The following FNDC3B variants were observed in gnomAD, a reference collection of about 807,000 sequenced individuals.
FNDC3B encodes fibronectin type III domain containing 3B, also known as fibronectin type III domain-containing protein 3B.
A neutral mutation model predicts 151.5 loss-of-function variants in FNDC3B; 12 were observed. The observed-to-expected ratio is 0.08, with a 90% confidence interval of 0.05 to 0.13. The LOEUF is 0.13. Ranked by LOEUF, FNDC3B falls within the 10% of genes least tolerant of loss-of-function variation. FNDC3B has a pLI of 1.00. For missense variants in FNDC3B, 1,214 were observed against 1,505.3 expected (o/e 0.81, Z 3.20); for synonymous variants, 528 against 549.0 (o/e 0.96, Z 0.54).
At chr3:172,346,545 A>ATT (rs55676402) in intron 20 of FNDC3B, 105 bp downstream of exon 20, 21,937 of 440,184 alleles carry the variant, frequency 0.05, 110 homozygotes, top group African/African-American at 0.068. Flanking sequence ...CATATAGATG[A>ATT]TTTTTTTTTT....
chr3:172,258,450 T>C (rs528058550), intron 6 of FNDC3B, among the ~76,000 whole-genome samples: 6 of 152,316 alleles, frequency 3.9e-5, no homozygotes, highest in South Asian at 4.1e-4. Context: ...TTTGTGATCA[T>C]TGCTCAGAAA....
intron 24 of FNDC3B, among the ~76,000 whole-genome samples, chr3:172,379,384 C>G (rs1735316679): frequency 6.6e-6 from 1 of 152,258 alleles, no homozygotes; most frequent in Non-Finnish European, 1.5e-5. Flanking sequence ...GTTTGACTCT[C>G]TACTCCCACA....
intron 23 of FNDC3B, among the ~76,000 whole-genome samples, chr3:172,367,901 C>G (rs1350293889): frequency 1.3e-5 from 2 of 152,190 alleles, no homozygotes; most frequent in African/African-American, 4.8e-5. Flanking sequence ...CACTTGCTCT[C>G]CATTAACTCA....
intron 1 of FNDC3B, among the ~76,000 whole-genome samples, chr3:172,066,638 G>C (rs1440197374): frequency 2.0e-5 from 3 of 152,194 alleles, no homozygotes; most frequent in African/African-American, 7.2e-5. Flanking sequence ...TCTACGTGCT[G>C]CTGTTCCCAG....
intron 7 of FNDC3B, among the ~76,000 whole-genome samples, chr3:172,295,128 G>A (rs1360827632): frequency 6.6e-6 from 1 of 152,164 alleles, no homozygotes; most frequent in Non-Finnish European, 1.5e-5. Flanking sequence ...CTTTATGGAG[G>A]ACAGAATGCA....
intron 3 of FNDC3B, among the ~76,000 whole-genome samples, chr3:172,168,274 A>G (rs1379963196): frequency 6.6e-6 from 1 of 152,238 alleles, no homozygotes; most frequent in Non-Finnish European, 1.5e-5. Flanking sequence ...GTGGTCACAT[A>G]CAGCAGTCTG....
intron 3 of FNDC3B, among the ~76,000 whole-genome samples, chr3:172,163,564 T>A (rs1722880282): frequency 6.6e-6 from 1 of 152,172 alleles, no homozygotes; most frequent in Non-Finnish European, 1.5e-5. Context: ...AAGTTGCCTG[T>A]TTTTGAACTT....
intron 22 of FNDC3B, among the ~76,000 whole-genome samples, chr3:172,361,129 G>C (rs1025664777): frequency 6.6e-6 from 1 of 152,030 alleles, no homozygotes; most frequent in Non-Finnish European, 1.5e-5. Context: ...TCCAAGGTTT[G>C]TGAAATGCCC....
chr3:172,196,574 T>G (rs2108681602), intron 3 of FNDC3B, among the ~76,000 whole-genome samples: 1 of 152,300 alleles, frequency 6.6e-6, no homozygotes, highest in South Asian at 2.1e-4. Context: ...GGGACATCAG[T>G]TTTCTCATCT....
intron 25 of FNDC3B, among the ~76,000 whole-genome samples, chr3:172,383,615 A>G (rs983809943): frequency 6.6e-6 from 1 of 152,142 alleles, no homozygotes; most frequent in African/African-American, 2.4e-5. Flanking sequence ...TTGGGTGGAG[A>G]TTCACCCTCC....
At chr3:172,081,236 T>G (rs1559957152) in intron 1 of FNDC3B, among the ~76,000 whole-genome samples, 1 of 152,160 alleles carries the variant, frequency 6.6e-6, no homozygotes, top group Non-Finnish European at 1.5e-5. Flanking sequence ...GAAATTTGCT[T>G]CTGTCTTACT....
At chr3:172,392,623 G>A (rs890564601) in intron 25 of FNDC3B, among the ~76,000 whole-genome samples, 3 of 151,892 alleles carry the variant, frequency 2.0e-5, no homozygotes, top group Non-Finnish European at 2.9e-5. Flanking sequence ...TTTACACACT[G>A]GGCTTTAGAA....
chr3:172,296,150 G>A (rs2108841833), intron 8 of FNDC3B, among the ~76,000 whole-genome samples: 1 of 152,274 alleles, frequency 6.6e-6, no homozygotes, highest in African/African-American at 2.4e-5. Flanking sequence ...ACTGGGTACT[G>A]CTCAGATTTG....
rs550772565 is a variant in FNDC3B at position 172,349,389 on chromosome 3, T to C, written c.2514+2028T>C. ...GAATTTTTGTATTTTCAGGACTGTT[T>C]TAATTAAGTACCAACGTAATTCCAT... On this transcript the variant is annotated intron_variant, in intron 21 of 25. Coordinates refer to ENST00000415807, the MANE Select transcript of FNDC3B (RefSeq NM_022763.4). Among the ~76,000 whole-genome samples, 10 of 152,360 alleles carry C rather than the reference T, an allele frequency of 6.6e-5. No individual in the cohort carries two copies. In the South Asian group the frequency reaches 2.1e-3, roughly 32 times the overall value.
At chr3:172,318,992 G>A (rs577162365) in intron 11 of FNDC3B, among the ~76,000 whole-genome samples, 2 of 146,598 alleles carry the variant, frequency 1.4e-5, no homozygotes, top group Admixed American at 1.4e-4. Flanking sequence ...CCTCTTTTAG[G>A]GACCTCAGTC....
rs142366050 is a variant in FNDC3B at position 172,344,227 on chromosome 3, G to A, written c.2219G>A (p.Arg740His). 7.9e-5 allele frequency: 127 copies of A among 1,613,956 alleles called. No homozygotes were observed. In the African/African-American group the frequency reaches 1.4e-3, roughly 18 times the overall value. Residue 740 changes from arginine to histidine, a missense_variant, in exon 19 of 26, where the codon CGC (arginine) becomes CAC (histidine). This residue lies in a region of FNDC3B where 380 missense variants were observed against 420.9 expected (regional missense o/e 0.90). Coordinates refer to ENST00000415807, the MANE Select transcript of FNDC3B (RefSeq NM_022763.4). ...AACCTGCTTCCTGGAACCGTGTATC[G>A]CTTCCGGGTGAGGGCTCTGAATGAT... is the stretch of plus-strand genomic sequence containing the variant. Reference protein sequence around the residue: ...VGNLLPGTVYRFRVRALNDGG... With the variant: ...VGNLLPGTVYHFRVRALNDGG...
intron 3 of FNDC3B, among the ~76,000 whole-genome samples, chr3:172,165,657 C>T (rs990356774): frequency 2.6e-5 from 4 of 152,158 alleles, no homozygotes; most frequent in Admixed American, 6.5e-5. Flanking sequence ...TTTTTAACTA[C>T]ATGAAATCTC....
At chr3:172,138,311 A>T (rs1484728373) in intron 3 of FNDC3B, among the ~76,000 whole-genome samples, 1 of 152,218 alleles carries the variant, frequency 6.6e-6, no homozygotes, top group African/African-American at 2.4e-5. Context: ...CTCCCCAGCC[A>T]CACAGCTTGA....
chr3:172,041,409 CTCTCCTTCCTTCCTTCCT>C (rs1177908722), intron 1 of FNDC3B, among the ~76,000 whole-genome samples: 2 of 135,140 alleles, frequency 1.5e-5, no homozygotes, highest in Admixed American at 7.6e-5. Flanking sequence ...TTCTCCTTCT[CTCTCCTTCCTTCCTTCCT>C]TCCTTCCTTC....
Sources: gnomAD v4.1 joint callset for allele counts (sites outside exome capture counted in the v4.1 genomes callset) on GRCh38, gnomAD v4.1.1 for gene constraint, gnomAD v4.1.1 regional missense constraint, MANE v1.5 for transcripts, NCBI Gene and HGNC (gene_info 2026-07-23, HGNC 2026-07-21) for gene names.